The following CLCC1 variants were observed in gnomAD, a reference collection of about 807,000 sequenced individuals.
CLCC1 encodes the protein chloride channel CLIC-like protein 1.
CLCC1 carries 39 observed loss-of-function variants against 63.3 expected under a neutral mutation model. The observed-to-expected ratio is 0.62, with a 90% CI of 0.48 to 0.81. CLCC1 has a LOEUF of 0.81. Among genes scored for constraint, CLCC1 ranks in the 30% least tolerant of loss-of-function variants. CLCC1 has a pLI of 0.00. For synonymous variants in CLCC1, 217 were observed against 239.8 expected (o/e 0.90, Z 0.88); for missense variants, 549 against 669.4 (o/e 0.82, Z 1.98).
chr1:108,941,310 GA>G, intron 8 of CLCC1, 94 bp downstream of exon 8: 1 of 1,121,252 alleles, frequency 8.9e-7, no homozygotes, highest in Non-Finnish European at 1.3e-6. Context: ...TTCAGTCATG[GA>G]AAGCCTCCTG....
chr1:108,951,388 A>C (rs1306307502), intron 2 of CLCC1, among the ~76,000 whole-genome samples: 1 of 152,204 alleles, frequency 6.6e-6, no homozygotes, highest in Non-Finnish European at 1.5e-5. Flanking sequence ...ATCACAGAAA[A>C]AACAACAACA....
chr1:108,940,279 C>T (rs1387064270), intron 8 of CLCC1, 137 bp from the exon 9 acceptor site: 3 of 470,048 alleles, frequency 6.4e-6, no homozygotes, highest in Non-Finnish European at 1.1e-5. Flanking sequence ...TTTAAGTAGA[C>T]TCCCTGTAAT....
Position 108,937,062 on chromosome 1 carries a change from G to C in CLCC1, c.1383+15C>G, listed in dbSNP as rs759016822. The C allele has an allele frequency of 6.8e-6, 10 of 1,469,290 alleles. No individual in the cohort carries two copies. Among genetic ancestry groups the C allele is most frequent in the Non-Finnish European group, 9.0e-6 (10 of 1,107,724 alleles). The allele number at this position is 1,469,290 out of a possible 1,614,324, so 91.0% of individuals were successfully genotyped here. On this transcript the variant is annotated intron_variant, in intron 11 of 12. Coordinates refer to ENST00000369969, the MANE Select transcript of CLCC1 (RefSeq NM_001377458.1). The stretch of plus-strand genomic sequence containing the variant: ...GTAATGAAGGGACAGCAGAATAAAA[G>C]AGTTGCTGACTTACACTGGGTACCA...
Position 108,931,133 on chromosome 1 carries a change from G to A in CLCC1, c.*1414C>T, listed in dbSNP as rs367688326. 5.5e-6 allele frequency: 3 copies of A among 546,630 alleles called. No homozygotes were observed. The highest frequency in any genetic ancestry group is 5.1e-4 in the Middle Eastern group (1 of 1,946). The allele number at this position is 546,630 out of a possible 1,614,324, so 33.9% of individuals were successfully genotyped here. A position where few individuals can be genotyped will look rare whatever the true frequency, so the allele number is the denominator to read the frequency against. ...GTCTCTTCTGTTCCATAATACTGCT[G>A]TAAAACAAACTTTTCTAAGTTCTAA... On this transcript the variant is annotated 3_prime_UTR_variant, in exon 13 of 13. Coordinates refer to ENST00000369969, the MANE Select transcript of CLCC1 (RefSeq NM_001377458.1).
At chr1:108,954,028 A>AAAAAAAAAAAAAG (rs1553222737) in intron 2 of CLCC1, among the ~76,000 whole-genome samples, 1 of 148,998 alleles carries the variant, frequency 6.7e-6, no homozygotes, top group African/African-American at 2.5e-5. Flanking sequence ...AAAAAAAAAA[A>AAAAAAAAAAAAAG]CACATCCGAC....
At chr1:108,940,836 G>A (rs72699252) in intron 8 of CLCC1, among the ~76,000 whole-genome samples, 5,563 of 152,170 alleles carry the variant, frequency 0.037, 132 homozygotes, top group Middle Eastern at 0.099. Flanking sequence ...GCAGAATTCC[G>A]TGTCAGTCAT....
chr1:108,961,592 G>A (rs759296109), intron 2 of CLCC1, among the ~76,000 whole-genome samples: 29 of 152,156 alleles, frequency 1.9e-4, no homozygotes, highest in Non-Finnish European at 4.0e-4. Context: ...GGGCACGGTG[G>A]CTCACGCTTG....
At chr1:108,951,567 A>G (rs839548) in intron 2 of CLCC1, among the ~76,000 whole-genome samples, 86,075 of 152,002 alleles carry the variant, frequency 0.57, 24,643 homozygotes, top group African/African-American at 0.65. Flanking sequence ...CACATTATAT[A>G]AGTACATATA....
chr1:108,955,803 G>A (rs1361514565), intron 2 of CLCC1, among the ~76,000 whole-genome samples: 1 of 151,466 alleles, frequency 6.6e-6, no homozygotes, highest in Admixed American at 6.5e-5. Flanking sequence ...CAGAACTCCA[G>A]GCTCTCCAGG....
intron 5 of CLCC1, among the ~76,000 whole-genome samples, chr1:108,946,777 A>T (rs754515934): frequency 6.6e-6 from 1 of 152,178 alleles, no homozygotes. Flanking sequence ...TGTTTTCTTG[A>T]TGTTTTCACT....
intron 4 of CLCC1, 57 bp downstream of exon 4, chr1:108,949,763 A>T: frequency 1.1e-6 from 1 of 893,550 alleles, no homozygotes; most frequent in Non-Finnish European, 1.7e-6. Flanking sequence ...AGAGACAAGA[A>T]TATAGAGCGA....
At chr1:108,963,072 T>TCTCGCTTTGCC (rs1186338001) in intron 1 of CLCC1, among the ~76,000 whole-genome samples, 4 of 152,218 alleles carry the variant, frequency 2.6e-5, no homozygotes, top group Non-Finnish European at 5.9e-5. Flanking sequence ...TGCGCTCAGG[T>TCTCGCTTTGCC]CTCGCTTTGC....
Position 108,947,644 on chromosome 1 carries a change from A to T in CLCC1, c.306T>A (p.Asn102Lys). 6.2e-7 allele frequency: 1 copy of T among 1,611,980 alleles called. No homozygotes were observed. The highest frequency in any genetic ancestry group is 2.2e-5 in the East Asian group (1 of 44,834). The change falls in exon 5 of 13, where the codon AAT (asparagine) becomes AAA (lysine). Residue 102 changes from asparagine (N) to lysine (K), a missense_variant. Transcript: ENST00000369969. ...QSNPVFRRYL[N>K]KILIEAGKLG... is the part of the protein sequence containing the mutation. ...GCTTTCCAGCTTCAATTAAAATCTTATTTAAGTATCTCCTAAAAACAGGAT... is the reference window on the plus strand; with the variant it reads ...GCTTTCCAGCTTCAATTAAAATCTTTTTTAAGTATCTCCTAAAAACAGGAT...
At chr1:108,958,804 C>T (rs1300593919) in intron 2 of CLCC1, among the ~76,000 whole-genome samples, 4 of 151,212 alleles carry the variant, frequency 2.6e-5, no homozygotes, top group African/African-American at 7.4e-5. Flanking sequence ...TGCTTAAACC[C>T]GGGAGGCGGA....
intron 2 of CLCC1, among the ~76,000 whole-genome samples, chr1:108,952,812 A>AAAAG (rs1465798243): frequency 6.6e-6 from 1 of 151,292 alleles, no homozygotes; most frequent in African/African-American, 2.4e-5. Context: ...AAAAAAAAAA[A>AAAAG]AAAGAAAGAA....
chr1:108,953,674 G>C (rs1288187300), intron 2 of CLCC1, among the ~76,000 whole-genome samples: 3 of 152,186 alleles, frequency 2.0e-5, no homozygotes, highest in African/African-American at 7.2e-5. Flanking sequence ...TGCAAATAAA[G>C]CCATAGCAAG....
intron 2 of CLCC1, 66 bp from the exon 3 acceptor site, chr1:108,950,514 TA>T (rs2101685274): frequency 9.2e-6 from 6 of 654,990 alleles, no homozygotes; most frequent in African/African-American, 7.8e-5. Context: ...GGTTTTGGGT[TA>T]TTATTATTAT....
rs1029721878 is a variant in CLCC1 at position 108,942,344 on chromosome 1, C to A, written c.703-846G>T. ...TATCCTATTTTGCACTGGATAATTT[C>A]CAGTACAATGACCAATATACAATCA... On this transcript the variant is annotated intron_variant, in intron 7 of 12. Transcript: ENST00000369969. Among the ~76,000 whole-genome samples, 5 of 152,288 alleles carry A rather than the reference C, an allele frequency of 3.3e-5. No homozygotes were observed. In the South Asian group the frequency reaches 6.2e-4, roughly 19 times the overall value.
chr1:108,947,804 T>C (rs1654730825), intron 4 of CLCC1, 86 bp from the exon 5 acceptor site: 1 of 863,602 alleles, frequency 1.2e-6, no homozygotes, highest in Admixed American at 2.7e-5. Flanking sequence ...GTCATCGGAA[T>C]CAAGGTAAGG....
Sources: gnomAD v4.1 joint callset for allele counts (sites outside exome capture counted in the v4.1 genomes callset) on GRCh38, gnomAD v4.1.1 for gene constraint, MANE v1.5 for transcripts, NCBI Gene and HGNC (gene_info 2026-07-23, HGNC 2026-07-21) for gene names.